Variants in SOX5 observed in about 807,000 individuals in gnomAD.
SOX5 encodes the protein SRY-box transcription factor 5, also known as transcription factor SOX-5.
Under a neutral mutation model 92.0 loss-of-function variants are expected in SOX5, and 9 were observed. The ratio of observed to expected loss-of-function variants is 0.10; its 90% confidence interval spans 0.06 to 0.17. The LOEUF (loss-of-function observed/expected upper bound fraction) is 0.17. Among genes scored for constraint, SOX5 ranks in the 10% least tolerant of loss-of-function variants. SOX5 has a pLI of 1.00. For synonymous variants in SOX5, 344 were observed against 336.3 expected (o/e 1.02, Z -0.25); for missense variants, 642 against 944.5 (o/e 0.68, Z 4.20).
chr12:24,345,610 T>C (rs905233896), intron 2 of SOX5, among the ~76,000 whole-genome samples: 1 of 152,226 alleles, frequency 6.6e-6, no homozygotes, highest in Non-Finnish European at 1.5e-5. Flanking sequence ...TTAATAAGAA[T>C]ATGAATATTG....
rs201978573 is a variant in SOX5 at position 23,902,639 on chromosome 12, CAAG to C, written c.39-6618_39-6616del. Among the ~76,000 whole-genome samples, 908 of 152,134 alleles carry C rather than the reference CAAG, an allele frequency of 6.0e-3. 11 individuals carry two copies. The highest frequency in any genetic ancestry group is 0.021 in the African/African-American group (867 of 41,520). On this transcript the variant is annotated intron_variant, in intron 1 of 14. Transcript: ENST00000451604. Reference sequence around the variant, plus strand: ...AACTACAATAGAAGCATCTGGAAAACAAGAATGTCATTTTTAATTTCTTCAGTT... The same window carrying C: ...AACTACAATAGAAGCATCTGGAAAACAATGTCATTTTTAATTTCTTCAGTT...
At chr12:24,251,559 G>A (rs1940042277) in intron 3 of SOX5, among the ~76,000 whole-genome samples, 2 of 149,490 alleles carry the variant, frequency 1.3e-5, no homozygotes, top group South Asian at 4.2e-4. Flanking sequence ...AACTAGGATG[G>A]TTAGGGTTTT....
In SOX5 at chr12:23,895,920, G is replaced by A. The variant is rs778505376; in HGVS notation, c.143C>T (p.Pro48Leu). The change falls in exon 2 of 15, where the codon CCA becomes CTA. Residue 48 changes from proline to leucine, a missense_variant. By Grantham distance (98) the Pro-to-Leu change is moderately conservative. Around this residue, in one of 8 missense-constraint regions of SOX5, gnomAD observed 113 missense variants for 117.7 expected, o/e 0.96. Transcript: ENST00000451604. ...CACATGCAAGGGAAGGTGAAAGGCT[G>A]GGAGCCCGTCACTCTCCTCTTCTTC... Reference protein sequence around the residue: ...KVEEEESDGLPAFHLPLHVSF... With the variant: ...KVEEEESDGLLAFHLPLHVSF... The A allele has an allele frequency of 1.1e-5, 18 of 1,613,762 alleles. No homozygotes were observed. Among genetic ancestry groups the A allele is most frequent in the Non-Finnish European group, 1.4e-5 (16 of 1,179,778 alleles).
intron 4 of SOX5, among the ~76,000 whole-genome samples, chr12:23,986,169 G>C (rs769736526): frequency 4.0e-5 from 6 of 151,886 alleles, no homozygotes; most frequent in Non-Finnish European, 8.8e-5. Flanking sequence ...TTTTCAGAGG[G>C]GTATTTTGCC....
chr12:24,215,041 A>G (rs1170655172), intron 3 of SOX5, among the ~76,000 whole-genome samples: 1 of 152,106 alleles, frequency 6.6e-6, no homozygotes, highest in Non-Finnish European at 1.5e-5. Context: ...AGCATCTGAC[A>G]AAATCCAACA....
chr12:23,577,490 C>T (rs995624013), intron 9 of SOX5, among the ~76,000 whole-genome samples: 10 of 151,950 alleles, frequency 6.6e-5, no homozygotes, highest in East Asian at 3.9e-4. Context: ...TGAGCCATGG[C>T]GCCTGGCCTC....
chr12:24,482,294 T>C (rs1029023845), intron 1 of SOX5, among the ~76,000 whole-genome samples: 1 of 152,186 alleles, frequency 6.6e-6, no homozygotes, highest in Admixed American at 6.5e-5. Context: ...ACAGTTTCTC[T>C]TGACACAGAA....
intron 7 of SOX5, among the ~76,000 whole-genome samples, chr12:23,647,315 T>C (rs1360399516): frequency 6.6e-6 from 1 of 152,232 alleles, no homozygotes; most frequent in African/African-American, 2.4e-5. Context: ...ACGCTGTCAA[T>C]AGATGTGCTG....
At chr12:24,369,308 T>C (rs1344465816) in intron 1 of SOX5, among the ~76,000 whole-genome samples, 1 of 152,144 alleles carries the variant, frequency 6.6e-6, no homozygotes, top group Non-Finnish European at 1.5e-5. Context: ...CAGTGGGTGG[T>C]TTGGGCCAAG....
At chr12:24,162,253 A>C (rs185992059) in intron 4 of SOX5, among the ~76,000 whole-genome samples, 93 of 152,254 alleles carry the variant, frequency 6.1e-4, no homozygotes, top group African/African-American at 2.2e-3. Flanking sequence ...CAGGTACTCT[A>C]AAATCTCTAG....
intron 6 of SOX5, among the ~76,000 whole-genome samples, chr12:23,680,706 T>C (rs934926081): frequency 6.6e-6 from 1 of 152,130 alleles, no homozygotes; most frequent in African/African-American, 2.4e-5. Flanking sequence ...GTCAATACTC[T>C]GTTATAAAAC....
In SOX5 at chr12:23,716,682, A is replaced by G. The variant is rs535134360; in HGVS notation, c.810+18002T>C. Among the ~76,000 whole-genome samples, 8 of 152,356 alleles carry G rather than the reference A, an allele frequency of 5.3e-5. No homozygotes were observed. The South Asian group carries it at 1.7e-3, about 32-fold the overall frequency. Reference sequence around the variant, plus strand: ...ATCATTCGTATGTTCTGGTTCTCTTATAAGGCCCTCTTATATCACTGTATT... The same window carrying G: ...ATCATTCGTATGTTCTGGTTCTCTTGTAAGGCCCTCTTATATCACTGTATT... On this transcript the variant is annotated intron_variant, in intron 6 of 14. Transcript: ENST00000451604.
rs892204996 is a variant in SOX5 at position 23,530,788 on chromosome 12, T to A, written c.*3431A>T. On this transcript the variant is annotated 3_prime_UTR_variant, in exon 15 of 15. Transcript: ENST00000451604. ...GAATTCTGGCAAGATTATTTCTCAGTGTTGGGGCAAGTGTGTGTGTGTGTG... is the reference window on the plus strand; with the variant it reads ...GAATTCTGGCAAGATTATTTCTCAGAGTTGGGGCAAGTGTGTGTGTGTGTG... 1.3e-5 allele frequency: 2 copies of A among 150,466 alleles called. No individual in the cohort carries two copies. Among genetic ancestry groups the A allele is most frequent in the Non-Finnish European group, 3.0e-5 (2 of 67,678 alleles). The allele number at this position is 150,466 out of a possible 1,614,324, so 9.3% of individuals were successfully genotyped here.
intron 2 of SOX5, among the ~76,000 whole-genome samples, chr12:24,351,065 A>AAAAAG (rs905117150): frequency 2.0e-5 from 3 of 152,144 alleles, no homozygotes; most frequent in African/African-American, 4.8e-5. Context: ...CTCTATCTCA[A>AAAAAG]AAAAGAAAAG....
chr12:23,590,329 G>A lies in SOX5; in HGVS notation c.1164+14058C>T, dbSNP rs138519218. On this transcript the variant is annotated intron_variant, in intron 9 of 14. Transcript: ENST00000451604. ...GTTAGACTTCATTTTTTACACACTTGTATCTTTATATTTTCATTCTTCTTA... is the reference window on the plus strand; with the variant it reads ...GTTAGACTTCATTTTTTACACACTTATATCTTTATATTTTCATTCTTCTTA... Among the ~76,000 whole-genome samples, 423 of 152,048 alleles carry A rather than the reference G, an allele frequency of 2.8e-3. 1 individual carries two copies. Among genetic ancestry groups the A allele is most frequent in the Non-Finnish European group, 4.5e-3 (307 of 67,868 alleles).
intron 4 of SOX5, among the ~76,000 whole-genome samples, chr12:23,970,228 TTC>T (rs986894688): frequency 1.6e-4 from 17 of 104,838 alleles, no homozygotes; most frequent in Middle Eastern, 4.5e-3. Flanking sequence ...TTCAGCTGAC[TTC>T]TTTTTTTTTT....
rs115201824 is a variant in SOX5 at position 23,757,807 on chromosome 12, C to T, written c.482-2083G>A. On this transcript the variant is annotated intron_variant, in intron 3 of 14. Transcript: ENST00000451604. ...GCAAAGTCCATGACAAAGCTTTTCCCCTGCAGCTAGACAAAATATTCACTG... is the reference window on the plus strand; with the variant it reads ...GCAAAGTCCATGACAAAGCTTTTCCTCTGCAGCTAGACAAAATATTCACTG... 2.8e-3 allele frequency among the ~76,000 whole-genome samples: 431 copies of T among 151,802 alleles called. 5 individuals carry two copies. Among genetic ancestry groups the T allele is most frequent in the African/African-American group, 0.01 (423 of 41,440 alleles).
intron 1 of SOX5, among the ~76,000 whole-genome samples, chr12:24,547,010 C>T (rs1021172683): frequency 2.0e-5 from 3 of 151,970 alleles, no homozygotes; most frequent in South Asian, 2.1e-4. Flanking sequence ...GGAAGACACA[C>T]GCAACATTTA....
chr12:24,210,636 T>C (rs1958503771), intron 4 of SOX5, among the ~76,000 whole-genome samples: 1 of 152,168 alleles, frequency 6.6e-6, no homozygotes, highest in South Asian at 2.1e-4. Flanking sequence ...AATTTTTAAA[T>C]ATTATATATC....
Sources: allele counts gnomAD v4.1 joint callset (sites outside exome capture counted in the v4.1 genomes callset), GRCh38; gene constraint gnomAD v4.1.1; regional missense constraint gnomAD v4.1.1; transcripts MANE v1.5; gene names NCBI Gene and HGNC (gene_info 2026-07-23, HGNC 2026-07-21).